MDH1: variants seen among roughly 807,000 people sequenced by gnomAD.
The protein encoded by MDH1 is malate dehydrogenase 1, also known as malate dehydrogenase, cytoplasmic.
Under a neutral mutation model 38.7 loss-of-function variants are expected in MDH1, and 15 were observed. The observed-to-expected ratio is 0.39, with a 90% CI of 0.26 to 0.60. MDH1 has a LOEUF of 0.60. Ranked by LOEUF, MDH1 falls within the 20% of genes least tolerant of loss-of-function variation. MDH1 has a pLI of 0.56. For missense variants in MDH1, 368 were observed against 405.2 expected (o/e 0.91, Z 0.79); for synonymous variants, 144 against 143.6 (o/e 1.00, Z -0.02).
At chr2:63,595,339 C>A in intron 2 of MDH1, 84 bp from the exon 3 acceptor site, 1 of 854,002 alleles carries the variant, frequency 1.2e-6, no homozygotes, top group Non-Finnish European at 2.0e-6. Flanking sequence ...CATGTACATA[C>A]CAAATAAAAA....
intron 1 of MDH1, among the ~76,000 whole-genome samples, chr2:63,592,298 T>A (rs1401399049): frequency 6.6e-6 from 1 of 152,242 alleles, no homozygotes; most frequent in Non-Finnish European, 1.5e-5. Flanking sequence ...AGTTTCCAGT[T>A]TTCTCAATAC....
intron 5 of MDH1, among the ~76,000 whole-genome samples, chr2:63,602,561 T>C (rs906238331): frequency 6.6e-6 from 1 of 152,122 alleles, no homozygotes; most frequent in African/African-American, 2.4e-5. Context: ...CACTTATTTT[T>C]TTCTGTGTCT....
intron 3 of MDH1, 99 bp from the exon 4 acceptor site, chr2:63,597,300 G>A: frequency 7.9e-7 from 1 of 1,272,968 alleles, no homozygotes. Flanking sequence ...GTAAACACTT[G>A]CAACAAGTGA....
At chr2:63,601,942 A>G (rs1457735605) in intron 5 of MDH1, among the ~76,000 whole-genome samples, 1 of 152,212 alleles carries the variant, frequency 6.6e-6, no homozygotes, top group Non-Finnish European at 1.5e-5. Flanking sequence ...CTTTCTGGTC[A>G]TGGCAGACGT....
intron 8 of MDH1, 23 bp downstream of exon 8, chr2:63,606,051 C>G (rs1709522875): frequency 2.5e-6 from 4 of 1,589,534 alleles, no homozygotes; most frequent in South Asian, 1.1e-5. Flanking sequence ...GGAGCTATTT[C>G]CCTTCTTTGA....
intron 5 of MDH1, 166 bp downstream of exon 5, chr2:63,599,458 G>A (rs974187219): frequency 3.3e-6 from 2 of 601,704 alleles, no homozygotes; most frequent in African/African-American, 3.8e-5. Flanking sequence ...TTGTTAGGGA[G>A]TCTTTAAATG....
intron 3 of MDH1, among the ~76,000 whole-genome samples, chr2:63,595,927 G>T (rs1575721622): frequency 6.6e-6 from 1 of 152,144 alleles, no homozygotes; most frequent in East Asian, 1.9e-4. Context: ...AGTTTTGAAG[G>T]ATGTCCTTCA....
chr2:63,595,722 G>C (rs1709297584), intron 3 of MDH1, among the ~76,000 whole-genome samples: 2 of 152,050 alleles, frequency 1.3e-5, no homozygotes, highest in African/African-American at 2.4e-5. Flanking sequence ...TCAGGTAAAG[G>C]ACTATCCTTT....
chr2:63,606,374 C>G (rs2106630557), intron 8 of MDH1, among the ~76,000 whole-genome samples: 1 of 151,976 alleles, frequency 6.6e-6, no homozygotes, highest in South Asian at 2.1e-4. Context: ...ACCCTGTCCC[C>G]CAAAAAAGAA....
At chr2:63,592,920 C>T (rs1421361565) in intron 1 of MDH1, among the ~76,000 whole-genome samples, 2 of 151,874 alleles carry the variant, frequency 1.3e-5, no homozygotes, top group Non-Finnish European at 2.9e-5. Flanking sequence ...ATTCCCTTTT[C>T]CTCACCTACT....
At chr2:63,595,100 G>T in intron 2 of MDH1, 1 of 375,124 alleles carries the variant, frequency 2.7e-6, no homozygotes, top group Non-Finnish European at 5.0e-6. Context: ...AGCTTTCCAT[G>T]AACTGAAATC....
chr2:63,601,066 G>A (rs1431725990), intron 5 of MDH1, among the ~76,000 whole-genome samples: 1 of 152,196 alleles, frequency 6.6e-6, no homozygotes, highest in East Asian at 1.9e-4. Context: ...AAGTCTGAAT[G>A]AGCAAAGAGG....
At chr2:63,595,570 A>AACCTAAAACCTGTATTTTG in intron 3 of MDH1, 51 bp downstream of exon 3, 1 of 1,205,496 alleles carries the variant, frequency 8.3e-7, no homozygotes, top group Non-Finnish European at 1.2e-6. Context: ...TTCTTACAAA[A>AACCTAAAACCTGTATTTTG]TACAGGTTTT....
Position 63,607,141 on chromosome 2 carries a change from A to ACGATAAACTGTCATT in MDH1, c.*155_*156insGATAAACTGTCATTC. 1.6e-6 allele frequency: 1 copy of ACGATAAACTGTCATT among 616,158 alleles called. No homozygotes were observed. Among genetic ancestry groups the ACGATAAACTGTCATT allele is most frequent in the Non-Finnish European group, 2.6e-6 (1 of 385,172 alleles). 38.2% of individuals were successfully genotyped at this position (616,158 alleles called of 1,614,324 possible). On this transcript the variant is annotated 3_prime_UTR_variant, in exon 9 of 9. Coordinates refer to ENST00000233114, the MANE Select transcript of MDH1 (RefSeq NM_005917.4). Reference sequence around the variant, plus strand: ...GCTTCTTGGTACAGGTTTGTGAATGACAGTTTATCGTCATGCTGTTAGTGT... The same window carrying ACGATAAACTGTCATT: ...GCTTCTTGGTACAGGTTTGTGAATGACGATAAACTGTCATTCAGTTTATCGTCATGCTGTTAGTGT...
At chr2:63,606,817 G>T (rs369465135) in intron 8 of MDH1, 45 bp from the exon 9 acceptor site, 1 of 1,508,656 alleles carries the variant, frequency 6.6e-7, no homozygotes, top group Non-Finnish European at 9.0e-7. Flanking sequence ...CTTACTGAAA[G>T]ATCAGTTCCA....
chr2:63,601,172 A>G (rs544658065), intron 5 of MDH1, among the ~76,000 whole-genome samples: 33 of 152,328 alleles, frequency 2.2e-4, no homozygotes, highest in African/African-American at 7.0e-4. Context: ...CAGCATGTCA[A>G]TCTGGCATAG....
intron 5 of MDH1, among the ~76,000 whole-genome samples, chr2:63,602,347 G>GTTTTTTTTTTTTTTTTT (rs144884000): frequency 9.6e-6 from 1 of 104,004 alleles, no homozygotes; most frequent in African/African-American, 3.7e-5. Context: ...GTTGGTTGGG[G>GTTTTTTTTTTTTTTTTT]TTTTTTTTTT....
At chr2:63,593,556 G>T in intron 1 of MDH1, 1 of 471,322 alleles carries the variant, frequency 2.1e-6, no homozygotes, top group East Asian at 6.9e-5. Flanking sequence ...TCATCTGGAA[G>T]AAGGAACTTT....
At chr2:63,603,023 G>A (rs536231900) in intron 5 of MDH1, among the ~76,000 whole-genome samples, 5 of 147,780 alleles carry the variant, frequency 3.4e-5, no homozygotes, top group Admixed American at 6.9e-5. Context: ...GCAATGGCAC[G>A]ATCTCGGCTC....
Sources: gnomAD v4.1 joint callset for allele counts (sites outside exome capture counted in the v4.1 genomes callset) on GRCh38, gnomAD v4.1.1 for gene constraint, MANE v1.5 for transcripts, NCBI Gene and HGNC (gene_info 2026-07-23, HGNC 2026-07-21) for gene names.